NAV3: variants seen among roughly 807,000 people sequenced by gnomAD.
NAV3 encodes the protein neuron navigator 3.
NAV3 carries 87 observed loss-of-function variants against 244.7 expected under a neutral mutation model. The ratio of observed to expected loss-of-function variants is 0.36; its 90% confidence interval spans 0.30 to 0.42. The LOEUF is 0.42. NAV3 is among the 20% of genes least tolerant of loss of function. The pLI, the probability that NAV3 is intolerant of heterozygous loss-of-function variation, is 1.00. For missense variants in NAV3, 2,663 were observed against 2,893.3 expected, an observed-to-expected ratio of 0.92 and a Z score of 1.83; for synonymous variants, 1,126 against 1,042.2, an observed-to-expected ratio of 1.08 and a Z score of -1.55.
At chr12:77,920,984 C>A (rs978805264) in intron 1 of NAV3, among the ~76,000 whole-genome samples, 3 of 151,868 alleles carry the variant, frequency 2.0e-5, no homozygotes, top group African/African-American at 7.3e-5. Context: ...GAATTTTGAA[C>A]CTGTGTTTGA....
chr12:77,920,633 C>A (rs1381849706), intron 1 of NAV3, among the ~76,000 whole-genome samples: 1 of 151,866 alleles, frequency 6.6e-6, no homozygotes, highest in East Asian at 1.9e-4. Context: ...AGGTACAAGC[C>A]TTTGAATTTA....
At chr12:78,105,250 C>G (rs930514854) in intron 12 of NAV3, among the ~76,000 whole-genome samples, 7 of 152,068 alleles carry the variant, frequency 4.6e-5, no homozygotes, top group Non-Finnish European at 1.0e-4. Context: ...AATGACTGTA[C>G]TGTACAGCCA....
intron 1 of NAV3, among the ~76,000 whole-genome samples, chr12:77,859,957 G>A (rs1879016150): frequency 6.6e-6 from 1 of 151,594 alleles, no homozygotes; most frequent in Non-Finnish European, 1.5e-5. Context: ...ATCACAAGTT[G>A]CATCAACTTC....
At chr12:78,084,392 A>C (rs1022970615) in intron 12 of NAV3, among the ~76,000 whole-genome samples, 8 of 151,884 alleles carry the variant, frequency 5.3e-5, no homozygotes, top group South Asian at 2.1e-4. Context: ...ACTGGATCCC[A>C]TTCCCTCTCT....
intron 3 of NAV3, among the ~76,000 whole-genome samples, chr12:77,958,269 A>G (rs1163378724): frequency 1.3e-5 from 2 of 152,204 alleles, no homozygotes; most frequent in Non-Finnish European, 2.9e-5. Flanking sequence ...AGTTGAAATA[A>G]TTCAGTGCTC....
chr12:78,041,471 G>A (rs954686986), intron 9 of NAV3, among the ~76,000 whole-genome samples: 2 of 152,110 alleles, frequency 1.3e-5, no homozygotes, highest in Non-Finnish European at 2.9e-5. Context: ...TGACTGCCTT[G>A]GTAAAGACAG....
chr12:78,095,629 A>C (rs1443921188), intron 12 of NAV3, among the ~76,000 whole-genome samples: 1 of 152,302 alleles, frequency 6.6e-6, no homozygotes, highest in South Asian at 2.1e-4. Flanking sequence ...GCAATACTCT[A>C]CTGGGAAATG....
chr12:78,147,504 G>A (rs1956910634), intron 21 of NAV3, among the ~76,000 whole-genome samples: 2 of 151,700 alleles, frequency 1.3e-5, no homozygotes, highest in South Asian at 4.1e-4. Flanking sequence ...CTTTGAGTTT[G>A]GATTCATTTA....
At chr12:78,051,843 A>G (rs1236884797) in intron 11 of NAV3, among the ~76,000 whole-genome samples, 1 of 152,222 alleles carries the variant, frequency 6.6e-6, no homozygotes, top group Non-Finnish European at 1.5e-5. Flanking sequence ...CCTGTTATGT[A>G]CTATGCTCTT....
intron 9 of NAV3, among the ~76,000 whole-genome samples, chr12:78,035,770 C>G (rs981811402): frequency 2.0e-5 from 3 of 152,098 alleles, no homozygotes; most frequent in Admixed American, 6.6e-5. Context: ...TCTTTATCAT[C>G]ACATTAGGAT....
intron 2 of NAV3, among the ~76,000 whole-genome samples, chr12:77,576,830 A>T (rs894505971): frequency 2.6e-5 from 4 of 152,056 alleles, no homozygotes; most frequent in Admixed American, 6.6e-5. Context: ...GGCCTCATTA[A>T]ATGAGGCCAT....
intron 12 of NAV3, among the ~76,000 whole-genome samples, chr12:78,068,806 A>G (rs1952609488): frequency 6.6e-6 from 1 of 151,524 alleles, no homozygotes; most frequent in Non-Finnish European, 1.5e-5. Context: ...GAAAAATACT[A>G]AAAGAGCACT....
At position 77,944,740 on chromosome 12, in the gene NAV3, T is replaced by A. The variant is rs540662517; in HGVS notation, c.414+3607T>A. Among the ~76,000 whole-genome samples the A allele has an allele frequency of 2.0e-5, 3 of 152,040 alleles. No homozygotes were observed. In the South Asian group the frequency reaches 6.2e-4, roughly 32 times the overall value. Reference sequence around the variant, plus strand: ...TTTTCACTCTAGGAAATATAAATATTTATGTGATAGAGGTATAGGAGTCAG... The same window carrying A: ...TTTTCACTCTAGGAAATATAAATATATATGTGATAGAGGTATAGGAGTCAG... On this transcript the variant is annotated intron_variant, in intron 3 of 39. Transcript: ENST00000397909.
In NAV3 at chr12:77,816,813, G is replaced by A. The variant is rs530227298; in HGVS notation, c.73-123506G>A. Among the ~76,000 whole-genome samples the A allele has an allele frequency of 3.9e-5, 6 of 152,232 alleles. No homozygotes were observed. The East Asian group carries it at 1.2e-3, about 29-fold the overall frequency. ...AAGTTACTTGAAATAAATAGTGTTG[G>A]TTTAGGACTTTATGTTTTAGCTCAA... On this transcript the variant is annotated intron_variant, in intron 2 of 8. Transcript: ENST00000550042.
intron 1 of NAV3, among the ~76,000 whole-genome samples, chr12:77,873,320 G>A (rs956388395): frequency 1.3e-4 from 19 of 151,924 alleles, no homozygotes; most frequent in African/African-American, 4.6e-4. Context: ...TGTATGTCCA[G>A]TTTTAATATA....
intron 1 of NAV3, among the ~76,000 whole-genome samples, chr12:77,896,704 A>T (rs1884669502): frequency 6.6e-6 from 1 of 152,178 alleles, no homozygotes; most frequent in South Asian, 2.1e-4. Context: ...AGTGGAGGGA[A>T]CACGCTTCCT....
intron 2 of NAV3, among the ~76,000 whole-genome samples, chr12:77,743,685 TGAAA>T (rs1297827357): frequency 6.6e-6 from 1 of 151,696 alleles, no homozygotes; most frequent in Non-Finnish European, 1.5e-5. Flanking sequence ...ATATACTGAA[TGAAA>T]GAAACAAGAC....
chr12:77,782,294 C>G (rs1187281085), intron 2 of NAV3, among the ~76,000 whole-genome samples: 2 of 150,492 alleles, frequency 1.3e-5, no homozygotes, highest in African/African-American at 4.9e-5. Flanking sequence ...CCTCCCCTCC[C>G]CTTCCCTTCC....
In NAV3 at chr12:78,118,317, G is replaced by A. The variant is rs749183927; in HGVS notation, c.3040+20G>A. 1 of 1,575,716 alleles carries A rather than the reference G, an allele frequency of 6.3e-7. No individual in the cohort carries two copies. Among genetic ancestry groups the A allele is most frequent in the Non-Finnish European group, 8.6e-7 (1 of 1,158,632 alleles). Reference sequence around the variant, plus strand: ...CACCCGGTAGGCTTGTCGTTTGCCAGCTGTTATGCAAAAGTGCTTTACTTT... The same window carrying A: ...CACCCGGTAGGCTTGTCGTTTGCCAACTGTTATGCAAAAGTGCTTTACTTT... On this transcript the variant is annotated intron_variant, in intron 14 of 39. Coordinates refer to ENST00000397909, the MANE Select transcript of NAV3 (RefSeq NM_001024383.2).
Sources: allele counts gnomAD v4.1 joint callset (sites outside exome capture counted in the v4.1 genomes callset), GRCh38; gene constraint gnomAD v4.1.1; transcripts MANE v1.5; gene names NCBI Gene and HGNC (gene_info 2026-07-23, HGNC 2026-07-21).